The following GRIA2 variants were observed in gnomAD, a reference collection of about 807,000 sequenced individuals.
GRIA2 encodes glutamate ionotropic receptor AMPA type subunit 2.
A neutral mutation model predicts 97.3 loss-of-function variants in GRIA2; 14 were observed. The ratio of observed to expected loss-of-function variants is 0.14; its 90% CI spans 0.10 to 0.23. The LOEUF is 0.23. Among genes scored for constraint, GRIA2 ranks in the 10% least tolerant of loss-of-function variants. The pLI, the probability that GRIA2 is intolerant of heterozygous loss-of-function variation, is 1.00. For missense variants in GRIA2, 558 were observed against 1,069.8 expected, an observed-to-expected ratio of 0.52 and a Z score of 6.67; for synonymous variants, 412 against 387.8, an observed-to-expected ratio of 1.06 and a Z score of -0.73.
chr4:157,296,218 G>A (rs933171718), intron 2 of GRIA2, among the ~76,000 whole-genome samples: 2 of 151,874 alleles, frequency 1.3e-5, no homozygotes, highest in Admixed American at 6.6e-5. Flanking sequence ...TTTCCTATTA[G>A]GAGAATGAAT....
intron 12 of GRIA2, among the ~76,000 whole-genome samples, chr4:157,358,184 AT>A (rs1736476129): frequency 6.6e-6 from 1 of 152,148 alleles, no homozygotes; most frequent in Non-Finnish European, 1.5e-5. Context: ...TAATCTTTCA[AT>A]TTGGTTGAGA....
intron 2 of GRIA2, among the ~76,000 whole-genome samples, chr4:157,250,908 T>C (rs1388369279): frequency 6.6e-6 from 1 of 152,102 alleles, no homozygotes; most frequent in African/African-American, 2.4e-5. Flanking sequence ...GAGAGGGTGC[T>C]TCCCATTCTC....
chr4:157,346,272 AT>A (rs1415426555), intron 12 of GRIA2, among the ~76,000 whole-genome samples: 1 of 152,116 alleles, frequency 6.6e-6, no homozygotes, highest in Non-Finnish European at 1.5e-5. Flanking sequence ...ATTAATTGCT[AT>A]TTCATTAAAG....
chr4:157,275,697 C>A (rs1276482061), intron 2 of GRIA2, among the ~76,000 whole-genome samples: 1 of 152,206 alleles, frequency 6.6e-6, no homozygotes, highest in African/African-American at 2.4e-5. Context: ...GGCATTATTT[C>A]TGAGGGCTTT....
At chr4:157,287,406 G>A (rs1732892292) in intron 2 of GRIA2, among the ~76,000 whole-genome samples, 1 of 151,632 alleles carries the variant, frequency 6.6e-6, no homozygotes, top group African/African-American at 2.4e-5. Context: ...GTGGGAGTGT[G>A]TGTGAATGTA....
intron 2 of GRIA2, among the ~76,000 whole-genome samples, chr4:157,238,734 A>G (rs1730359599): frequency 6.6e-6 from 1 of 152,130 alleles, no homozygotes; most frequent in Admixed American, 6.6e-5. Flanking sequence ...TACTGGATTA[A>G]AGGCCATGAA....
Position 157,221,101 on chromosome 4 carries a change from T to C in GRIA2, c.59T>C (p.Phe20Ser). Residue 20 changes from phenylalanine to serine, a missense_variant, in exon 1 of 16, where the codon TTT becomes TCT. Phe to Ser is a radical substitution (Grantham distance 155). Around this residue, in one of 8 missense-constraint regions of GRIA2, gnomAD observed 96 missense variants for 176.6 expected, o/e 0.54. Transcript: ENST00000264426. ...LLSPVLWGLI[F>S]GVSSNSIQIG... ...TCTCCTGTTTTATGGGGACTGATTT[T>C]TGGTGTCTCTTCTAACAGCATACAG... is the stretch of plus-strand genomic sequence containing the variant. 1 of 1,579,164 alleles carries C rather than the reference T, an allele frequency of 6.3e-7. No individual in the cohort carries two copies. Among genetic ancestry groups the C allele is most frequent in the Non-Finnish European group, 8.7e-7 (1 of 1,148,042 alleles).
At chr4:157,276,193 G>T (rs1313363458) in intron 2 of GRIA2, among the ~76,000 whole-genome samples, 1 of 152,040 alleles carries the variant, frequency 6.6e-6, no homozygotes, top group Non-Finnish European at 1.5e-5. Flanking sequence ...AAGAATGCTT[G>T]TGATTCCACA....
intron 2 of GRIA2, among the ~76,000 whole-genome samples, chr4:157,248,550 T>TGTGTATATATATATAC: frequency 7.3e-5 from 1 of 13,676 alleles, no homozygotes; most frequent in Non-Finnish European, 1.2e-4. Context: ...TATGTGTGTG[T>TGTGTATATATATATAC]GTGTATATAT....
At chr4:157,354,755 A>G (rs1386123883) in intron 12 of GRIA2, among the ~76,000 whole-genome samples, 1 of 152,166 alleles carries the variant, frequency 6.6e-6, no homozygotes, top group Non-Finnish European at 1.5e-5. Flanking sequence ...TGAGAGGGGA[A>G]AAGAATGCTC....
rs1233034624 is a variant in GRIA2 at position 157,361,804 on chromosome 4, GC to G, written c.2406+682del. ...TAATTTGGTAAGATGTTTTGGTAAT[GC>G]CTGCAGAGTTACTGATTTGTTGTTT... On this transcript the variant is annotated intron_variant, in intron 14 of 15. Transcript: ENST00000264426. The surrounding 1 kb of genome is among the most constrained non-coding windows in gnomAD (Gnocchi z 5.2). 2 of 600,530 alleles carry G rather than the reference GC, an allele frequency of 3.3e-6. No homozygotes were observed. The highest frequency in any genetic ancestry group is 3.7e-5 in the African/African-American group (2 of 53,480). 37.2% of individuals were successfully genotyped at this position (600,530 alleles called of 1,614,324 possible).
intron 4 of GRIA2, among the ~76,000 whole-genome samples, chr4:157,316,054 C>G (rs541488334): frequency 6.6e-6 from 1 of 152,190 alleles, no homozygotes; most frequent in Non-Finnish European, 1.5e-5. Context: ...TCCTTTCTCT[C>G]AAGTAAACTC....
At chr4:157,355,590 A>ATT (rs377134537) in intron 12 of GRIA2, among the ~76,000 whole-genome samples, 7 of 73,322 alleles carry the variant, frequency 9.5e-5, no homozygotes, top group African/African-American at 6.1e-4. Context: ...ATATATATTT[A>ATT]TTTATATATA....
chr4:157,294,458 A>AAGAGAGAG (rs757681121), intron 2 of GRIA2, among the ~76,000 whole-genome samples: 27 of 152,052 alleles, frequency 1.8e-4, no homozygotes, highest in Admixed American at 3.3e-4. Flanking sequence ...GAGAAAAAAA[A>AAGAGAGAG]AGAGAGAGAG....
At chr4:157,246,713 A>G (rs1178067098) in intron 2 of GRIA2, among the ~76,000 whole-genome samples, 1 of 152,106 alleles carries the variant, frequency 6.6e-6, no homozygotes, top group African/African-American at 2.4e-5. Flanking sequence ...GATATTTCTT[A>G]TAGTTAATGT....
intron 2 of GRIA2, among the ~76,000 whole-genome samples, chr4:157,297,088 A>G (rs1189575834): frequency 1.3e-5 from 2 of 152,156 alleles, no homozygotes; most frequent in Non-Finnish European, 1.5e-5. Flanking sequence ...CCATGAGAGG[A>G]AAAAGATTTA....
intron 6 of GRIA2, among the ~76,000 whole-genome samples, chr4:157,327,485 A>G (rs541292558): frequency 6.6e-5 from 10 of 152,256 alleles, no homozygotes; most frequent in African/African-American, 1.9e-4. Context: ...CAGTCATTTT[A>G]TCTTCCTTAA....
intron 3 of GRIA2, among the ~76,000 whole-genome samples, chr4:157,310,199 C>T (rs954511085): frequency 1.3e-5 from 2 of 151,970 alleles, no homozygotes; most frequent in Non-Finnish European, 2.9e-5. Flanking sequence ...AAATCATAGG[C>T]GATCTGTGAT....
chr4:157,325,370 A>C (rs1011874057), intron 6 of GRIA2, among the ~76,000 whole-genome samples: 5 of 152,188 alleles, frequency 3.3e-5, no homozygotes, highest in African/African-American at 7.2e-5. Context: ...ATTCCCTTTT[A>C]CTAATTTGCT....
Sources: allele counts gnomAD v4.1 joint callset (sites outside exome capture counted in the v4.1 genomes callset), GRCh38; gene constraint gnomAD v4.1.1; regional missense constraint gnomAD v4.1.1; non-coding constraint Gnocchi (gnomAD v3.1); transcripts MANE v1.5; gene names NCBI Gene and HGNC (gene_info 2026-07-23, HGNC 2026-07-21).